JADE3: variants seen among roughly 807,000 people sequenced by gnomAD.
The protein encoded by JADE3 is jade family PHD finger 3, also known as protein Jade-3.
Under a neutral mutation model 50.1 loss-of-function variants are expected in JADE3, and 2 were observed. The ratio of observed to expected loss-of-function variants is 0.04; its 90% CI spans 0.02 to 0.13. The LOEUF (loss-of-function observed/expected upper bound fraction) is 0.13. JADE3 is among the 10% of genes least tolerant of loss of function. The probability of loss-of-function intolerance (pLI) is 1.00; values close to 1 mark genes in which losing one functional copy is unlikely to be tolerated. For synonymous variants in JADE3, 218 were observed against 232.9 expected (o/e 0.94, Z 0.58); for missense variants, 475 against 634.4 (o/e 0.75, Z 2.70).
intron 8 of JADE3, among the ~76,000 whole-genome samples, chrX:47,052,216 C>A (rs182263334): frequency 2.3e-4 from 25 of 109,761 alleles, no homozygotes; most frequent in Non-Finnish European, 4.2e-4. Context: ...CTTTGCCCCC[C>A]CCTATGAATA....
intron 6 of JADE3, among the ~76,000 whole-genome samples, chrX:47,029,455 C>T: frequency 9.0e-6 from 1 of 111,608 alleles, no homozygotes; most frequent in Admixed American, 9.5e-5. Context: ...ATACAAGAGA[C>T]GTGTGTAAAG....
chrX:46,986,055 G>A (rs782308450), intron 3 of JADE3, among the ~76,000 whole-genome samples: 3 of 111,080 alleles, frequency 2.7e-5, no homozygotes, highest in South Asian at 7.8e-4. Flanking sequence ...CTTCGTCTCT[G>A]GCCATGTGAT....
chrX:47,000,786 G>A lies in JADE3; in HGVS notation c.284+2509G>A, dbSNP rs782425370. Among the ~76,000 whole-genome samples the A allele has an allele frequency of 1.9e-4, 21 of 111,364 alleles. 1 individual carries two copies. The Middle Eastern group carries it at 0.023, about 124-fold the overall frequency. Reference sequence around the variant, plus strand: ...AGGCTGGTCTCAAACTCCTAGCCTCGAGTAATTTGTCCGCCTTGGCCTCCC... The same window carrying A: ...AGGCTGGTCTCAAACTCCTAGCCTCAAGTAATTTGTCCGCCTTGGCCTCCC... On this transcript the variant is annotated intron_variant, in intron 4 of 10. Transcript: ENST00000614628.
At chrX:46,975,714 CTT>C (rs782578317) in intron 1 of JADE3, among the ~76,000 whole-genome samples, 1 of 40,524 alleles carries the variant, frequency 2.5e-5, no homozygotes, top group Non-Finnish European at 3.9e-5. Context: ...TTTTCTTTTT[CTT>C]TTTTTTTTTT....
intron 8 of JADE3, among the ~76,000 whole-genome samples, chrX:47,051,165 C>T (rs782389367): frequency 4.5e-5 from 5 of 110,682 alleles, no homozygotes; most frequent in Non-Finnish European, 7.6e-5. Flanking sequence ...CAGGTACTCT[C>T]GAGGAAATTC....
At chrX:47,039,168 G>C (rs1467645856) in intron 8 of JADE3, 103 bp downstream of exon 8, 1 of 456,230 alleles carries the variant, frequency 2.2e-6, no homozygotes, top group Admixed American at 3.9e-5. Flanking sequence ...TCAGGAGATC[G>C]CCCACCCACT....
At chrX:47,003,857 A>T (rs1283165857) in intron 4 of JADE3, among the ~76,000 whole-genome samples, 6 of 101,423 alleles carry the variant, frequency 5.9e-5, no homozygotes, top group Admixed American at 5.7e-4. Flanking sequence ...TATATATATA[A>T]ATTTATTTTT....
In JADE3 at chrX:46,955,002, G is replaced by A. The variant is rs1271262374; in HGVS notation, c.-11-29882G>A. ...GCAAAGAACCTTACTGGTTTAAAAG[G>A]TATGGTACCTTTTTGAAAGAAAATC... On this transcript the variant is annotated intron_variant, in intron 1 of 10. Transcript: ENST00000614628. 9.8e-5 allele frequency among the ~76,000 whole-genome samples: 11 copies of A among 112,157 alleles called. 1 individual carries two copies. Among genetic ancestry groups the A allele is most frequent in the Admixed American group, 8.5e-4 (9 of 10,640 alleles).
intron 4 of JADE3, among the ~76,000 whole-genome samples, chrX:47,009,975 CA>C (rs35960958): frequency 3.9e-4 from 38 of 96,962 alleles, no homozygotes; most frequent in Middle Eastern, 5.2e-3. Context: ...CCGGGCATCT[CA>C]AAAAAAAAAA....
chrX:47,038,202 G>C (rs782035560), intron 7 of JADE3, among the ~76,000 whole-genome samples: 1 of 111,723 alleles, frequency 9.0e-6, no homozygotes, highest in Non-Finnish European at 1.9e-5. Flanking sequence ...TCTGTTGATG[G>C]ACACTTAGCT....
chrX:47,023,652 A>G (rs782331251), intron 4 of JADE3, among the ~76,000 whole-genome samples: 28 of 112,747 alleles, frequency 2.5e-4, no homozygotes, highest in African/African-American at 8.7e-4. Context: ...TCACGCCTGT[A>G]ATCCCAGCGC....
At chrX:47,018,985 C>T (rs1928736073) in intron 4 of JADE3, among the ~76,000 whole-genome samples, 1 of 112,094 alleles carries the variant, frequency 8.9e-6, no homozygotes, top group African/African-American at 3.2e-5. Flanking sequence ...TTGGCTTCCT[C>T]ATAGCCTAAC....
At chrX:47,005,235 C>CT (rs1236101464) in intron 4 of JADE3, among the ~76,000 whole-genome samples, 20 of 110,940 alleles carry the variant, frequency 1.8e-4, no homozygotes, top group African/African-American at 5.3e-4. Context: ...GACAGGAAAC[C>CT]TTTTTTTTAT....
intron 1 of JADE3, among the ~76,000 whole-genome samples, chrX:46,983,864 G>A (rs1240644105): frequency 1.8e-5 from 2 of 111,079 alleles, no homozygotes; most frequent in African/African-American, 3.3e-5. Flanking sequence ...TGCTCACACT[G>A]TTATGCCAGA....
At chrX:46,989,161 C>A (rs782062421) in intron 3 of JADE3, among the ~76,000 whole-genome samples, 6 of 112,071 alleles carry the variant, frequency 5.4e-5, no homozygotes, top group Non-Finnish European at 1.1e-4. Context: ...TTTTTCAAAG[C>A]GTCAGTTTAT....
At chrX:46,916,972 T>C (rs1926099617) in intron 1 of JADE3, among the ~76,000 whole-genome samples, 1 of 111,547 alleles carries the variant, frequency 9.0e-6, no homozygotes, top group Non-Finnish European at 1.9e-5. Flanking sequence ...GGTTCATGAG[T>C]TAGAGAAGCC....
chrX:47,005,588 C>T (rs1389150712), intron 4 of JADE3, among the ~76,000 whole-genome samples: 3 of 112,142 alleles, frequency 2.7e-5, no homozygotes, highest in African/African-American at 9.7e-5. Flanking sequence ...TCAAACACCA[C>T]AGAAAAATAC....
At chrX:47,022,221 T>A (rs1389548263) in intron 4 of JADE3, among the ~76,000 whole-genome samples, 1 of 112,242 alleles carries the variant, frequency 8.9e-6, no homozygotes, top group East Asian at 2.8e-4. Flanking sequence ...CATGACATAT[T>A]TAATCTCATA....
At chrX:46,981,699 A>G (rs1556353078) in intron 1 of JADE3, among the ~76,000 whole-genome samples, 1 of 112,322 alleles carries the variant, frequency 8.9e-6, no homozygotes, top group East Asian at 2.8e-4. Flanking sequence ...GACAGCTTTG[A>G]GATATAATTT....
Sources: gnomAD v4.1 joint callset for allele counts (sites outside exome capture counted in the v4.1 genomes callset) on GRCh38, gnomAD v4.1.1 for gene constraint, MANE v1.5 for transcripts, NCBI Gene and HGNC (gene_info 2026-07-23, HGNC 2026-07-21) for gene names.